PRKCI: variants seen among roughly 807,000 people sequenced by gnomAD.
PRKCI encodes protein kinase C iota.
Under a neutral mutation model 84.0 loss-of-function variants are expected in PRKCI, and 43 were observed. That is an observed-to-expected ratio of 0.51 (90% CI 0.40 to 0.66). The LOEUF (loss-of-function observed/expected upper bound fraction) is 0.66, where lower values mean the gene tolerates loss of function less well. PRKCI is among the 30% of genes least tolerant of loss of function. PRKCI has a pLI of 0.00. For synonymous variants in PRKCI, 216 were observed against 234.4 expected (o/e 0.92, Z 0.72); for missense variants, 459 against 745.6 (o/e 0.62, Z 4.48).
intron 2 of PRKCI, among the ~76,000 whole-genome samples, chr3:170,246,863 TTCTG>T (rs1225633677): frequency 3.3e-5 from 5 of 152,176 alleles, no homozygotes; most frequent in Non-Finnish European, 5.9e-5. Flanking sequence ...GTATTAAACT[TTCTG>T]TCTATGAATT....
intron 12 of PRKCI, among the ~76,000 whole-genome samples, chr3:170,286,058 G>A (rs1438014436): frequency 6.6e-6 from 1 of 151,820 alleles, no homozygotes; most frequent in Non-Finnish European, 1.5e-5. Context: ...CTGAGTAGCT[G>A]GGATTACAGG....
At chr3:170,299,365 C>G (rs568982176) in intron 17 of PRKCI, among the ~76,000 whole-genome samples, 47 of 152,048 alleles carry the variant, frequency 3.1e-4, no homozygotes, top group Non-Finnish European at 5.6e-4. Context: ...GTAGCTGGTA[C>G]TACAGGCGCG....
At chr3:170,269,797 A>G (rs1415318015) in intron 5 of PRKCI, among the ~76,000 whole-genome samples, 4 of 152,108 alleles carry the variant, frequency 2.6e-5, no homozygotes, top group African/African-American at 9.7e-5. Context: ...ATCTCTACTA[A>G]AAATACAAAA....
intron 2 of PRKCI, among the ~76,000 whole-genome samples, chr3:170,243,825 T>C (rs902536673): frequency 1.3e-5 from 2 of 152,226 alleles, no homozygotes; most frequent in Admixed American, 1.3e-4. Flanking sequence ...TTCTGGCCTC[T>C]GCCCCAGCTC....
At chr3:170,252,065 T>C (rs1197881619) in intron 2 of PRKCI, among the ~76,000 whole-genome samples, 1 of 151,022 alleles carries the variant, frequency 6.6e-6, no homozygotes, top group African/African-American at 2.4e-5. Flanking sequence ...AATACAAAAA[T>C]TAGCCAGGCG....
At chr3:170,233,260 A>G (rs200846916) in intron 1 of PRKCI, among the ~76,000 whole-genome samples, 1 of 101,820 alleles carries the variant, frequency 9.8e-6, no homozygotes, top group East Asian at 2.5e-4. Context: ...CCTAAGGAAA[A>G]ACTTTATAAT....
chr3:170,261,410 A>G (rs1247151957), intron 3 of PRKCI, among the ~76,000 whole-genome samples: 2 of 151,276 alleles, frequency 1.3e-5, no homozygotes, highest in East Asian at 3.9e-4. Context: ...GAATCATTTC[A>G]GTGCCTTATT....
intron 3 of PRKCI, among the ~76,000 whole-genome samples, chr3:170,261,033 T>C (rs1364637855): frequency 6.6e-6 from 1 of 152,078 alleles, no homozygotes; most frequent in African/African-American, 2.4e-5. Context: ...CATAGCTCAC[T>C]GCAGCCTTGA....
chr3:170,225,457 T>C (rs565828578), intron 1 of PRKCI, among the ~76,000 whole-genome samples: 1 of 152,358 alleles, frequency 6.6e-6, no homozygotes, highest in Admixed American at 6.5e-5. Flanking sequence ...AAATCCTTCC[T>C]TTATACCAAG....
chr3:170,297,632 A>C (rs1025780931), intron 16 of PRKCI, among the ~76,000 whole-genome samples: 3 of 151,502 alleles, frequency 2.0e-5, no homozygotes, highest in Non-Finnish European at 4.4e-5. Context: ...TTGTATTTTT[A>C]GTAGAGATGG....
At position 170,303,305 on chromosome 3, in the gene PRKCI, T is replaced by G; in HGVS notation, c.*178T>G. 2.5e-6 allele frequency: 1 copy of G among 399,314 alleles called. No individual in the cohort carries two copies. Among genetic ancestry groups the G allele is most frequent in the Non-Finnish European group, 4.4e-6 (1 of 227,802 alleles). The allele number at this position is 399,314 out of a possible 1,614,324, so 24.7% of individuals were successfully genotyped here. On this transcript the variant is annotated 3_prime_UTR_variant, in exon 18 of 18. Transcript: ENST00000295797. ...CATCTGTTTTACTATGAAAAAAAAA[T>G]TAATACTACTAGCTTCCAGACAATC...
chr3:170,236,251 C>T (rs1456839826), intron 2 of PRKCI, among the ~76,000 whole-genome samples: 1 of 150,910 alleles, frequency 6.6e-6, no homozygotes, highest in Non-Finnish European at 1.5e-5. Context: ...CAGGGGTGCA[C>T]CACCACACCC....
chr3:170,270,380 C>T (rs1168128986), intron 5 of PRKCI, 41 bp from the exon 6 acceptor site: 2 of 1,555,348 alleles, frequency 1.3e-6, no homozygotes, highest in African/African-American at 1.4e-5. Context: ...ATGGTTATGA[C>T]CTTCTTGGTT....
chr3:170,296,302 G>T (rs1263388173), intron 15 of PRKCI, among the ~76,000 whole-genome samples: 1 of 152,106 alleles, frequency 6.6e-6, no homozygotes, highest in African/African-American at 2.4e-5. Flanking sequence ...AGCCATAATT[G>T]TACTTTGAAC....
intron 11 of PRKCI, among the ~76,000 whole-genome samples, chr3:170,284,064 A>C (rs1332719943): frequency 6.6e-6 from 1 of 151,474 alleles, no homozygotes. Flanking sequence ...AGTGGTTCTT[A>C]GCCTTCTCGG....
chr3:170,296,846 TCA>T (rs1734696093), intron 15 of PRKCI, among the ~76,000 whole-genome samples: 1 of 152,176 alleles, frequency 6.6e-6, no homozygotes, highest in South Asian at 2.1e-4. Flanking sequence ...TGCAGGCTCC[TCA>T]GTCCAGTGAT....
intron 16 of PRKCI, among the ~76,000 whole-genome samples, chr3:170,298,520 C>G (rs1326697894): frequency 6.6e-6 from 1 of 151,312 alleles, no homozygotes; most frequent in Non-Finnish European, 1.5e-5. Context: ...TTTCTCCTGT[C>G]TCAGCCTCCA....
intron 2 of PRKCI, among the ~76,000 whole-genome samples, chr3:170,254,452 T>C (rs1733534166): frequency 6.6e-6 from 1 of 152,194 alleles, no homozygotes; most frequent in African/African-American, 2.4e-5. Flanking sequence ...TGGATTTAAG[T>C]CTTTAATTCA....
Position 170,293,475 on chromosome 3 carries a change from C to T in PRKCI, c.1384C>T (p.Pro462Ser). ...PFDIVGSSDNPDQNTEDYLFQ... is the reference protein window; with the variant it reads ...PFDIVGSSDNSDQNTEDYLFQ... ...TGATATTGTTGGGAGCTCCGATAAC[C>T]CTGACCAGAACACAGAGGATTATCT... Residue 462 changes from proline to serine, a missense_variant, in exon 14 of 18, where the codon CCT becomes TCT. Pro to Ser is a moderately conservative substitution (Grantham distance 74). Transcript: ENST00000295797. 1 of 1,613,724 alleles carries T rather than the reference C, an allele frequency of 6.2e-7. No homozygotes were observed. The highest frequency in any genetic ancestry group is 1.1e-5 in the South Asian group (1 of 91,062).
Sources: gnomAD v4.1 joint callset for allele counts (sites outside exome capture counted in the v4.1 genomes callset) on GRCh38, gnomAD v4.1.1 for gene constraint, MANE v1.5 for transcripts, NCBI Gene and HGNC (gene_info 2026-07-23, HGNC 2026-07-21) for gene names.